ZNF366: variants seen among roughly 807,000 people sequenced by gnomAD.
The protein encoded by ZNF366 is dendritic cell-specific transcript protein.
Under a neutral mutation model 47.2 loss-of-function variants are expected in ZNF366, and 20 were observed. The ratio of observed to expected loss-of-function variants is 0.42; its 90% confidence interval spans 0.30 to 0.62. The LOEUF is 0.62. ZNF366 is among the 20% of genes least tolerant of loss of function. ZNF366 has a pLI of 0.16. For missense variants in ZNF366, 987 were observed against 976.3 expected (o/e 1.01, Z -0.15); for synonymous variants, 421 against 395.1 (o/e 1.07, Z -0.78).
chr5:72,451,136 T>C (rs1743061574), intron 3 of ZNF366, among the ~76,000 whole-genome samples: 1 of 152,252 alleles, frequency 6.6e-6, no homozygotes, highest in African/African-American at 2.4e-5. Flanking sequence ...TCTGTGGAGA[T>C]GAAAATAGGA....
intron 2 of ZNF366, among the ~76,000 whole-genome samples, chr5:72,458,082 T>C (rs1256831856): frequency 7.0e-6 from 1 of 142,482 alleles, no homozygotes; most frequent in Non-Finnish European, 1.5e-5. Context: ...AGTGGCGTGG[T>C]CTCGGCTCAC....
At chr5:72,494,192 A>G (rs1307570244) in intron 1 of ZNF366, 1 of 152,176 alleles carries the variant, frequency 6.6e-6, no homozygotes, top group Admixed American at 6.5e-5. Flanking sequence ...TGACATCTAC[A>G]TACAGACTTT....
intron 1 of ZNF366, among the ~76,000 whole-genome samples, chr5:72,472,224 G>A (rs538234635): frequency 4.4e-4 from 67 of 152,272 alleles, no homozygotes; most frequent in South Asian, 1.9e-3. Flanking sequence ...ACCAGATGTC[G>A]TGCAAAACAT....
In ZNF366 at chr5:72,447,237, G is replaced by A; in HGVS notation, c.1699+6C>T. 3 of 1,613,996 alleles carry A rather than the reference G, an allele frequency of 1.9e-6. No individual in the cohort carries two copies. The highest frequency in any genetic ancestry group is 2.5e-6 in the Non-Finnish European group (3 of 1,179,934). Reference sequence around the variant, plus strand: ...GACTTGCAGGGCTTCCCAGAAGAGTGATTACCTTGGGAATGAAGGCCCCGC... The same window carrying A: ...GACTTGCAGGGCTTCCCAGAAGAGTAATTACCTTGGGAATGAAGGCCCCGC... On this transcript the variant is annotated splice_donor_region_variant and intron_variant, in intron 4 of 4. Coordinates refer to ENST00000318442, the MANE Select transcript of ZNF366 (RefSeq NM_152625.3).
chr5:72,480,196 A>C (rs1743764552), intron 1 of ZNF366, among the ~76,000 whole-genome samples: 1 of 152,238 alleles, frequency 6.6e-6, no homozygotes, highest in South Asian at 2.1e-4. Context: ...CTGGATCTAA[A>C]TTGAATAAGA....
At chr5:72,444,772 A>G (rs1742927804) in intron 4 of ZNF366, among the ~76,000 whole-genome samples, 1 of 152,242 alleles carries the variant, frequency 6.6e-6, no homozygotes, top group African/African-American at 2.4e-5. Context: ...AAGTAAAAAC[A>G]AAAATATATG....
At chr5:72,493,384 C>T (rs191670574) in intron 1 of ZNF366, among the ~76,000 whole-genome samples, 217 of 152,264 alleles carry the variant, frequency 1.4e-3, no homozygotes, top group African/African-American at 5.1e-3. Context: ...AAGCAAATTT[C>T]CCAAGGTCAC....
chr5:72,501,198 C>T (rs34706227), intron 1 of ZNF366, among the ~76,000 whole-genome samples: 18,646 of 152,110 alleles, frequency 0.12, 1,544 homozygotes, highest in East Asian at 0.34. Context: ...GTGGCAGTGC[C>T]GTTGTTGGTA....
chr5:72,458,020 T>C (rs1256823639), intron 2 of ZNF366, among the ~76,000 whole-genome samples: 4 of 142,076 alleles, frequency 2.8e-5, no homozygotes, highest in African/African-American at 1.0e-4. Context: ...TTCTTTTTTT[T>C]TTTTTTTTTT....
At chr5:72,475,541 A>T (rs1017230641) in intron 1 of ZNF366, among the ~76,000 whole-genome samples, 2 of 152,186 alleles carry the variant, frequency 1.3e-5, no homozygotes, top group African/African-American at 4.8e-5. Context: ...TACCTTAGCA[A>T]TTCATTCAAT....
intron 3 of ZNF366, among the ~76,000 whole-genome samples, chr5:72,448,606 G>C (rs930728864): frequency 1.2e-4 from 19 of 152,298 alleles, no homozygotes; most frequent in African/African-American, 4.1e-4. Flanking sequence ...AGTGGAGCTG[G>C]GGCTGCACTA....
chr5:72,460,077 G>T, intron 2 of ZNF366, 88 bp downstream of exon 2: 2 of 1,508,592 alleles, frequency 1.3e-6, no homozygotes, highest in East Asian at 2.4e-5. Context: ...GTGCAGAGCG[G>T]CACAGGCGTC....
At chr5:72,480,616 T>A (rs1297202151) in intron 1 of ZNF366, among the ~76,000 whole-genome samples, 1 of 152,202 alleles carries the variant, frequency 6.6e-6, no homozygotes, top group Non-Finnish European at 1.5e-5. Flanking sequence ...GTTTTCATCT[T>A]CATTTATACT....
intron 3 of ZNF366, among the ~76,000 whole-genome samples, chr5:72,450,051 T>C (rs568517094): frequency 6.6e-4 from 101 of 152,322 alleles, no homozygotes; most frequent in Non-Finnish European, 1.4e-3. Context: ...TCAGTTATTA[T>C]CTGTGGTTGC....
intron 1 of ZNF366, among the ~76,000 whole-genome samples, chr5:72,483,652 C>G (rs924872505): frequency 6.6e-6 from 1 of 152,182 alleles, no homozygotes; most frequent in Non-Finnish European, 1.5e-5. Context: ...TGGGGGCTCT[C>G]CTTGAATCAC....
chr5:72,502,633 A>T (rs1367983513), intron 1 of ZNF366, among the ~76,000 whole-genome samples: 1 of 152,218 alleles, frequency 6.6e-6, no homozygotes, highest in Non-Finnish European at 1.5e-5. Context: ...TCACCATTAA[A>T]TTAGGGACAA....
At chr5:72,491,832 T>G (rs1281794926) in intron 1 of ZNF366, among the ~76,000 whole-genome samples, 1 of 152,246 alleles carries the variant, frequency 6.6e-6, no homozygotes, top group Non-Finnish European at 1.5e-5. Flanking sequence ...ATTTATTTAC[T>G]CAAGGTCCCT....
intron 1 of ZNF366, among the ~76,000 whole-genome samples, chr5:72,468,492 T>G (rs1172860997): frequency 6.6e-6 from 1 of 152,222 alleles, no homozygotes; most frequent in African/African-American, 2.4e-5. Context: ...TTTTGAAAGT[T>G]CCTAAATACA....
chr5:72,469,996 G>A (rs1381696146), intron 1 of ZNF366, among the ~76,000 whole-genome samples: 1 of 152,138 alleles, frequency 6.6e-6, no homozygotes, highest in African/African-American at 2.4e-5. Flanking sequence ...AGTGAGCCCT[G>A]ATCATGCCAC....
Sources: gnomAD v4.1 joint callset for allele counts (sites outside exome capture counted in the v4.1 genomes callset) on GRCh38, gnomAD v4.1.1 for gene constraint, MANE v1.5 for transcripts, NCBI Gene and HGNC (gene_info 2026-07-23, HGNC 2026-07-21) for gene names.